CADPS2: variants seen among roughly 807,000 people sequenced by gnomAD.
CADPS2 encodes calcium-dependent secretion activator 2.
In CADPS2, 93 loss-of-function variants were observed where a neutral mutation model predicts 172.5. The ratio of observed to expected loss-of-function variants is 0.54; its 90% CI spans 0.46 to 0.64. The LOEUF is 0.64. Ranked by LOEUF, CADPS2 falls within the 30% of genes least tolerant of loss-of-function variation. CADPS2 has a pLI of 0.00. For missense variants in CADPS2, 1,420 were observed against 1,565.9 expected, an observed-to-expected ratio of 0.91 and a Z score of 1.57; for synonymous variants, 546 against 555.2, an observed-to-expected ratio of 0.98 and a Z score of 0.23.
intron 7 of CADPS2, among the ~76,000 whole-genome samples, chr7:122,578,110 GTATA>G (rs924868297): frequency 4.0e-5 from 6 of 149,642 alleles, no homozygotes; most frequent in South Asian, 2.1e-4. Context: ...ATACACAAAA[GTATA>G]TATATTTATG....
chr7:122,385,361 C>G (rs373943472), intron 24 of CADPS2, among the ~76,000 whole-genome samples: 2 of 151,756 alleles, frequency 1.3e-5, no homozygotes, highest in East Asian at 3.9e-4. Flanking sequence ...TAAATTATGG[C>G]CAAATAGCTA....
At chr7:122,433,469 C>A (rs1417315359) in intron 17 of CADPS2, among the ~76,000 whole-genome samples, 2 of 149,708 alleles carry the variant, frequency 1.3e-5, no homozygotes, top group East Asian at 2.0e-4. Flanking sequence ...AATGGCACCA[C>A]CTCGGCTCAC....
intron 7 of CADPS2, among the ~76,000 whole-genome samples, chr7:122,561,197 T>C (rs944677951): frequency 6.6e-6 from 1 of 152,144 alleles, no homozygotes; most frequent in East Asian, 1.9e-4. Flanking sequence ...ATGGGCTAAA[T>C]TGAGTTCTTT....
At chr7:122,741,136 T>G (rs1400131652) in intron 1 of CADPS2, among the ~76,000 whole-genome samples, 1 of 152,172 alleles carries the variant, frequency 6.6e-6, no homozygotes, top group African/African-American at 2.4e-5. Flanking sequence ...AACAGTGGTA[T>G]ACTATTCATT....
At chr7:122,511,503 C>A (rs943598269) in intron 9 of CADPS2, among the ~76,000 whole-genome samples, 8 of 152,006 alleles carry the variant, frequency 5.3e-5, no homozygotes, top group Non-Finnish European at 1.2e-4. Context: ...TAAAAAAAAA[C>A]CAGCGACTAA....
At chr7:122,686,216 C>T (rs771996469) in intron 2 of CADPS2, among the ~76,000 whole-genome samples, 5 of 152,100 alleles carry the variant, frequency 3.3e-5, no homozygotes, top group African/African-American at 7.2e-5. Flanking sequence ...TATTAGTTTA[C>T]TCACAACTCC....
intron 1 of CADPS2, among the ~76,000 whole-genome samples, chr7:122,739,581 C>T (rs544640154): frequency 1.6e-4 from 24 of 152,218 alleles, no homozygotes; most frequent in African/African-American, 5.3e-4. Context: ...CCAGAGTCAC[C>T]TGGCTAAATG....
intron 1 of CADPS2, among the ~76,000 whole-genome samples, chr7:122,751,144 T>C (rs1255350121): frequency 6.6e-6 from 1 of 152,158 alleles, no homozygotes; most frequent in African/African-American, 2.4e-5. Flanking sequence ...GCATTTCTCT[T>C]TGTTACTGTT....
intron 5 of CADPS2, among the ~76,000 whole-genome samples, chr7:122,618,518 T>A (rs1443626231): frequency 6.6e-6 from 1 of 151,372 alleles, no homozygotes; most frequent in East Asian, 1.9e-4. Context: ...AAGGGAGGGG[T>A]GGGAGCAATT....
chr7:122,695,801 C>G (rs759819889), intron 2 of CADPS2, among the ~76,000 whole-genome samples: 1 of 152,084 alleles, frequency 6.6e-6, no homozygotes, highest in African/African-American at 2.4e-5. Flanking sequence ...ATGGGAGTAA[C>G]TCAGGTCTTA....
intron 23 of CADPS2, among the ~76,000 whole-genome samples, chr7:122,387,693 G>A (rs552792693): frequency 3.3e-5 from 5 of 152,050 alleles, no homozygotes; most frequent in African/African-American, 1.2e-4. Context: ...ACCTAAAATT[G>A]CAGGCAGGTT....
intron 1 of CADPS2, among the ~76,000 whole-genome samples, chr7:122,818,538 G>C (rs1385103606): frequency 2.0e-5 from 3 of 152,018 alleles, no homozygotes; most frequent in Non-Finnish European, 4.4e-5. Context: ...AAGCATCACT[G>C]AGTCTTTCTA....
chr7:122,623,763 A>G (rs1481159474), intron 4 of CADPS2, among the ~76,000 whole-genome samples: 1 of 152,144 alleles, frequency 6.6e-6, no homozygotes, highest in Non-Finnish European at 1.5e-5. Context: ...TGTCCATTTT[A>G]TATTTATATG....
chr7:122,708,652 A>T (rs1335206502), intron 2 of CADPS2, among the ~76,000 whole-genome samples: 1 of 150,738 alleles, frequency 6.6e-6, no homozygotes, highest in African/African-American at 2.4e-5. Context: ...TTGGAATATG[A>T]TCAAATCCAT....
chr7:122,532,064 A>G (rs28408353), intron 8 of CADPS2, among the ~76,000 whole-genome samples: 2,342 of 152,136 alleles, frequency 0.015, 61 homozygotes, highest in African/African-American at 0.053. Context: ...CAAACAAACA[A>G]AATACTGTTA....
chr7:122,366,612 C>CACACACACACACAT (rs1341455740), intron 25 of CADPS2, among the ~76,000 whole-genome samples: 11 of 37,332 alleles, frequency 2.9e-4, no homozygotes, highest in African/African-American at 2.7e-3. Context: ...CTCAAAAATA[C>CACACACACACACAT]ACACACACAC....
rs79921945 is a variant in CADPS2, at chr7:122,757,469, C to T, written c.340-20401G>A. Among the ~76,000 whole-genome samples, 186 of 152,144 alleles carry T rather than the reference C, an allele frequency of 1.2e-3. 3 individuals are homozygous for T. In the East Asian group the frequency reaches 0.029, roughly 24 times the overall value. ...AGCCAGGAATGTTTTTTAAAGCATT[C>T]TGTACTACAATAAATTTAGCACCCC... On this transcript the variant is annotated intron_variant, in intron 1 of 29. Transcript: ENST00000449022.
chr7:122,454,659 GCT>G (rs1342799372), intron 14 of CADPS2, among the ~76,000 whole-genome samples: 12 of 152,106 alleles, frequency 7.9e-5, no homozygotes, highest in African/African-American at 2.9e-4. Flanking sequence ...CCTAAACCTT[GCT>G]CTTTCATACA....
At chr7:122,864,351 G>T (rs1423693301) in intron 1 of CADPS2, among the ~76,000 whole-genome samples, 5 of 152,120 alleles carry the variant, frequency 3.3e-5, no homozygotes, top group Non-Finnish European at 7.4e-5. Context: ...GTGGTGGCAT[G>T]TGCCCATGGT....
Sources: gnomAD v4.1 joint callset for allele counts (sites outside exome capture counted in the v4.1 genomes callset) on GRCh38, gnomAD v4.1.1 for gene constraint, MANE v1.5 for transcripts, NCBI Gene and HGNC (gene_info 2026-07-23, HGNC 2026-07-21) for gene names.